The following DLGAP2 variants were observed in gnomAD, a reference collection of about 807,000 sequenced individuals.
DLGAP2 encodes disks large-associated protein 2.
In DLGAP2, 26 loss-of-function variants were observed where a neutral mutation model predicts 100.3. The observed-to-expected ratio is 0.26, with a 90% CI of 0.19 to 0.36. The LOEUF (loss-of-function observed/expected upper bound fraction) is 0.36, where lower values mean the gene tolerates loss of function less well. DLGAP2 is among the 10% of genes least tolerant of loss of function. The probability of loss-of-function intolerance (pLI) is 1.00; values close to 1 mark genes in which losing one functional copy is unlikely to be tolerated. For missense variants in DLGAP2, 1,858 were observed against 1,453.2 expected (o/e 1.28, Z -4.53); for synonymous variants, 886 against 630.1 (o/e 1.41, Z -6.08).
chr8:1,164,545 G>A (rs1389488769), intron 2 of DLGAP2, among the ~76,000 whole-genome samples: 2 of 151,986 alleles, frequency 1.3e-5, no homozygotes, highest in South Asian at 4.2e-4. Context: ...TCCCGGTGGT[G>A]CCACGGATGC....
Position 1,200,627 on chromosome 8 carries a change from C to G in DLGAP2, c.74-58224C>G, listed in dbSNP as rs560156181. Among the ~76,000 whole-genome samples the G allele has an allele frequency of 2.0e-5, 3 of 152,326 alleles. 1 individual carries two copies. The highest frequency in any genetic ancestry group is 4.1e-4 in the South Asian group (2 of 4,820). The stretch of plus-strand genomic sequence containing the variant: ...TAGCGTCACCAAAGCGTCACTTGCG[C>G]TGGACGGCAAACTGCAGATGTTGGT... On this transcript the variant is annotated intron_variant, in intron 2 of 14. Coordinates refer to ENST00000637795, the MANE Select transcript of DLGAP2 (RefSeq NM_001346810.2).
At chr8:1,407,799 G>A (rs7834742) in intron 3 of DLGAP2, among the ~76,000 whole-genome samples, 6,132 of 55,926 alleles carry the variant, frequency 0.11, 62 homozygotes, top group East Asian at 0.2. Context: ...CATCCTCCGG[G>A]GTCGTGTATT....
At chr8:1,541,122 C>T (rs1157645341) in intron 4 of DLGAP2, among the ~76,000 whole-genome samples, 3 of 152,138 alleles carry the variant, frequency 2.0e-5, no homozygotes, top group Non-Finnish European at 1.5e-5. Context: ...TGGAAATTTG[C>T]GGAGGATGTA....
intron 3 of DLGAP2, among the ~76,000 whole-genome samples, chr8:1,452,390 G>A (rs552505454): frequency 6.6e-6 from 1 of 152,378 alleles, no homozygotes; most frequent in South Asian, 2.1e-4. Flanking sequence ...CCGAGGCTAT[G>A]CGTGCGACAG....
chr8:1,478,907 G>A (rs1017045433), intron 3 of DLGAP2, among the ~76,000 whole-genome samples: 1 of 152,248 alleles, frequency 6.6e-6, no homozygotes, highest in Non-Finnish European at 1.5e-5. Context: ...TGGAGGTTGA[G>A]GGAGATGACG....
chr8:1,060,195 C>A (rs541954924), intron 2 of DLGAP2, among the ~76,000 whole-genome samples: 37 of 152,292 alleles, frequency 2.4e-4, no homozygotes, highest in African/African-American at 8.2e-4. Flanking sequence ...TCATGAAGAC[C>A]ACAGACTGGG....
rs572254289 is a variant in DLGAP2 at position 1,179,560 on chromosome 8, C to T, written c.74-79291C>T. Among the ~76,000 whole-genome samples, 13 of 152,362 alleles carry T rather than the reference C, an allele frequency of 8.5e-5. No individual in the cohort carries two copies. The East Asian group carries it at 1.5e-3, about 18-fold the overall frequency. ...TCTCCAAGTTTCCTTTTACTCAAGACGGTGGAATTAATTTGGCACTGTGTA... is the reference window on the plus strand; with the variant it reads ...TCTCCAAGTTTCCTTTTACTCAAGATGGTGGAATTAATTTGGCACTGTGTA... On this transcript the variant is annotated intron_variant, in intron 2 of 14. Transcript: ENST00000637795.
chr8:813,814 G>C (rs1027423701), intron 1 of DLGAP2, among the ~76,000 whole-genome samples: 14 of 152,174 alleles, frequency 9.2e-5, no homozygotes, highest in African/African-American at 3.4e-4. Flanking sequence ...CAGATAAACA[G>C]TGAGATGCCT....
chr8:1,649,785 G>A (rs1281130882), intron 8 of DLGAP2, among the ~76,000 whole-genome samples: 1 of 152,170 alleles, frequency 6.6e-6, no homozygotes, highest in Non-Finnish European at 1.5e-5. Context: ...TAAGTCATGG[G>A]AAAGCTTTGA....
intron 3 of DLGAP2, among the ~76,000 whole-genome samples, chr8:1,465,633 G>A (rs771225652): frequency 2.6e-5 from 4 of 152,196 alleles, no homozygotes; most frequent in African/African-American, 7.2e-5. Flanking sequence ...CAAAAACCCC[G>A]ATCCCAGTGC....
At chr8:1,684,188 G>A (rs756425503) in intron 12 of DLGAP2, among the ~76,000 whole-genome samples, 10 of 151,272 alleles carry the variant, frequency 6.6e-5, no homozygotes, top group Non-Finnish European at 1.3e-4. Context: ...TATAAACTTT[G>A]AACACAAGGA....
chr8:1,499,203 G>GT (rs1454470035), intron 3 of DLGAP2, among the ~76,000 whole-genome samples: 5 of 152,250 alleles, frequency 3.3e-5, no homozygotes, highest in African/African-American at 1.2e-4. Context: ...TCTGTGTGAA[G>GT]CACGTGGCTT....
At position 1,549,185 on chromosome 8, in the gene DLGAP2, C is replaced by G. The variant is rs370190609; in HGVS notation, c.732C>G (p.His244Gln). 1 of 1,599,752 alleles carries G rather than the reference C, an allele frequency of 6.3e-7. No homozygotes were observed. The highest frequency in any genetic ancestry group is 1.1e-5 in the South Asian group (1 of 89,402). Residue 244 changes from histidine to glutamine, a missense_variant, in exon 5 of 15, where the codon CAC becomes CAG. By Grantham distance (24) the His-to-Gln change is conservative. Coordinates refer to ENST00000637795, the MANE Select transcript of DLGAP2 (RefSeq NM_001346810.2). ...HSVQKLFTKS[H>Q]SLEGSSKSNA... is the part of the protein sequence containing the mutation. ...TGCAGAAGCTCTTCACCAAGTCGCA[C>G]TCGCTGGAGGGCTCCTCCAAAAGCA...
At chr8:811,444 C>T (rs1011675257) in intron 1 of DLGAP2, among the ~76,000 whole-genome samples, 1 of 148,468 alleles carries the variant, frequency 6.7e-6, no homozygotes, top group East Asian at 2.1e-4. Flanking sequence ...GGATGAAGCT[C>T]CCATCAACCT....
intron 2 of DLGAP2, among the ~76,000 whole-genome samples, chr8:990,335 G>A (rs1389911634): frequency 2.1e-5 from 3 of 143,218 alleles, no homozygotes; most frequent in Non-Finnish European, 4.6e-5. Flanking sequence ...CATACTCGGA[G>A]TTCCTGTTCT....
At chr8:1,122,234 A>G (rs1030150554) in intron 2 of DLGAP2, among the ~76,000 whole-genome samples, 1 of 152,180 alleles carries the variant, frequency 6.6e-6, no homozygotes, top group African/African-American at 2.4e-5. Flanking sequence ...TCACTGGGTG[A>G]CCCTGTTTCT....
intron 1 of DLGAP2, among the ~76,000 whole-genome samples, chr8:742,685 T>A (rs923702958): frequency 6.6e-6 from 1 of 152,100 alleles, no homozygotes; most frequent in Non-Finnish European, 1.5e-5. Flanking sequence ...TTTTTTTTTT[T>A]TGGTAGAGAC....
chr8:1,677,566 G>T (rs59811079), intron 11 of DLGAP2, among the ~76,000 whole-genome samples: 1 of 151,922 alleles, frequency 6.6e-6, no homozygotes, highest in African/African-American at 2.4e-5. Flanking sequence ...GCATACCCAC[G>T]TGCACACACA....
chr8:1,177,526 C>T (rs767576758), intron 2 of DLGAP2, among the ~76,000 whole-genome samples: 3 of 152,056 alleles, frequency 2.0e-5, no homozygotes, highest in Non-Finnish European at 4.4e-5. Flanking sequence ...TTCTGGCTTG[C>T]GATTGTGTTG....
Sources: gnomAD v4.1 joint callset for allele counts (sites outside exome capture counted in the v4.1 genomes callset) on GRCh38, gnomAD v4.1.1 for gene constraint, MANE v1.5 for transcripts, NCBI Gene and HGNC (gene_info 2026-07-23, HGNC 2026-07-21) for gene names.